The following SLC35F3 variants were observed in gnomAD, a reference collection of about 807,000 sequenced individuals.
The protein encoded by SLC35F3 is putative thiamine transporter SLC35F3.
A neutral mutation model predicts 49.9 loss-of-function variants in SLC35F3; 25 were observed. The ratio of observed to expected loss-of-function variants is 0.50; its 90% CI spans 0.37 to 0.70. The LOEUF is 0.70. Ranked by LOEUF, SLC35F3 falls within the 30% of genes least tolerant of loss-of-function variation. The pLI, the probability that SLC35F3 is intolerant of heterozygous loss-of-function variation, is 0.00. For synonymous variants in SLC35F3, 275 were observed against 265.4 expected (o/e 1.04, Z -0.35); for missense variants, 525 against 639.8 (o/e 0.82, Z 1.94).
At chr1:233,971,303 A>G (rs532547515) in intron 2 of SLC35F3, among the ~76,000 whole-genome samples, 20 of 152,368 alleles carry the variant, frequency 1.3e-4, no homozygotes, top group Admixed American at 1.1e-3. Flanking sequence ...GAAGGAGAAG[A>G]ACCACTTCTG....
intron 2 of SLC35F3, among the ~76,000 whole-genome samples, chr1:233,973,674 G>A (rs1042310633): frequency 6.6e-6 from 1 of 152,206 alleles, no homozygotes; most frequent in Non-Finnish European, 1.5e-5. Flanking sequence ...CTTTGGCCAC[G>A]TGGGTGGGGA....
At chr1:233,993,898 C>T (rs892844383) in intron 2 of SLC35F3, among the ~76,000 whole-genome samples, 8 of 152,174 alleles carry the variant, frequency 5.3e-5, no homozygotes, top group African/African-American at 1.9e-4. Context: ...AGCTGCCCAA[C>T]CTGCCGCATG....
rs562326399 is a variant in SLC35F3 at position 233,947,555 on chromosome 1, C to T, written c.283+41797C>T. 4.0e-5 allele frequency among the ~76,000 whole-genome samples: 6 copies of T among 151,194 alleles called. No individual in the cohort carries two copies. In the East Asian group the frequency reaches 8.0e-4, roughly 20 times the overall value. ...GCATTGAGGTCAGCGTCTTCTCAAG[C>T]GAAGGGCTCAAATGGGTACCACTAC... On this transcript the variant is annotated intron_variant, in intron 2 of 7. Transcript: ENST00000366618.
At chr1:233,936,103 A>C (rs562796523) in intron 2 of SLC35F3, among the ~76,000 whole-genome samples, 1 of 152,196 alleles carries the variant, frequency 6.6e-6, no homozygotes, top group Non-Finnish European at 1.5e-5. Flanking sequence ...AGTAGTGTTA[A>C]CTATGTATTT....
At chr1:234,250,771 A>G (rs1667725939) in intron 3 of SLC35F3, among the ~76,000 whole-genome samples, 1 of 152,124 alleles carries the variant, frequency 6.6e-6, no homozygotes, top group South Asian at 2.1e-4. Context: ...TCATGATGGA[A>G]GGTGAAGCAG....
chr1:234,175,181 A>G (rs1666456915), intron 2 of SLC35F3, among the ~76,000 whole-genome samples: 1 of 152,322 alleles, frequency 6.6e-6, no homozygotes, highest in Admixed American at 6.5e-5. Flanking sequence ...TCTCACTTCA[A>G]TGTACTATTT....
chr1:234,226,313 T>A (rs1287821724), intron 2 of SLC35F3, among the ~76,000 whole-genome samples: 1 of 152,126 alleles, frequency 6.6e-6, no homozygotes. Flanking sequence ...CAGCTGGTGG[T>A]CTTTGATCCC....
At chr1:234,031,540 A>G (rs1218040246) in intron 2 of SLC35F3, among the ~76,000 whole-genome samples, 1 of 152,124 alleles carries the variant, frequency 6.6e-6, no homozygotes, top group East Asian at 1.9e-4. Flanking sequence ...TTCTGAGTGT[A>G]ACTCCTTTTT....
chr1:234,124,984 A>T (rs1424176469), intron 2 of SLC35F3, among the ~76,000 whole-genome samples: 2 of 152,164 alleles, frequency 1.3e-5, no homozygotes, highest in Non-Finnish European at 2.9e-5. Flanking sequence ...TTTGTAAGTG[A>T]TCATCTGGTG....
At chr1:234,278,542 A>G (rs1385681902) in intron 3 of SLC35F3, among the ~76,000 whole-genome samples, 1 of 152,050 alleles carries the variant, frequency 6.6e-6, no homozygotes. Flanking sequence ...CTGAGTTGTC[A>G]TTCGCATTTC....
chr1:234,090,201 G>T (rs1665021292), intron 2 of SLC35F3, among the ~76,000 whole-genome samples: 1 of 152,256 alleles, frequency 6.6e-6, no homozygotes, highest in South Asian at 2.1e-4. Context: ...ATCATCCTTA[G>T]TCAATGCTGA....
At chr1:234,128,559 C>T (rs1665683866) in intron 2 of SLC35F3, among the ~76,000 whole-genome samples, 1 of 152,098 alleles carries the variant, frequency 6.6e-6, no homozygotes, top group African/African-American at 2.4e-5. Flanking sequence ...TGAGCAAAAG[C>T]AGCATCAGAG....
At chr1:233,921,400 C>T (rs1481207783) in intron 2 of SLC35F3, among the ~76,000 whole-genome samples, 2 of 152,114 alleles carry the variant, frequency 1.3e-5, no homozygotes, top group East Asian at 3.9e-4. Context: ...TCATTATCAC[C>T]CAGAGTCCAT....
intron 2 of SLC35F3, among the ~76,000 whole-genome samples, chr1:234,113,089 A>C (rs1045651104): frequency 1.3e-5 from 2 of 152,112 alleles, no homozygotes; most frequent in Non-Finnish European, 2.9e-5. Flanking sequence ...AAGAAAAAGA[A>C]AAGAAAGAAA....
intron 2 of SLC35F3, among the ~76,000 whole-genome samples, chr1:233,923,189 T>C (rs1002960402): frequency 4.6e-5 from 7 of 152,198 alleles, no homozygotes; most frequent in Admixed American, 4.6e-4. Flanking sequence ...GTGAAGAAAG[T>C]CATTGGTAGC....
At chr1:234,293,161 C>T (rs1172161099) in intron 3 of SLC35F3, among the ~76,000 whole-genome samples, 1 of 152,216 alleles carries the variant, frequency 6.6e-6, no homozygotes, top group Non-Finnish European at 1.5e-5. Context: ...AGATAGACTA[C>T]CTCTCTCACA....
chr1:234,099,740 C>G (rs1176673531), intron 2 of SLC35F3, among the ~76,000 whole-genome samples: 2 of 152,082 alleles, frequency 1.3e-5, no homozygotes, highest in African/African-American at 4.8e-5. Flanking sequence ...TTTGTCTTCT[C>G]TCAGTGTGAT....
intron 3 of SLC35F3, among the ~76,000 whole-genome samples, chr1:234,238,351 C>T (rs1291831676): frequency 6.6e-6 from 1 of 152,152 alleles, no homozygotes; most frequent in Non-Finnish European, 1.5e-5. Flanking sequence ...AATGAGAAGT[C>T]ATAATGGGCA....
chr1:234,044,773 T>C (rs1664266086), intron 2 of SLC35F3, among the ~76,000 whole-genome samples: 1 of 152,224 alleles, frequency 6.6e-6, no homozygotes, highest in Admixed American at 6.5e-5. Flanking sequence ...GGGTTATTTA[T>C]CATAAATATG....
Sources: allele counts gnomAD v4.1 joint callset (sites outside exome capture counted in the v4.1 genomes callset), GRCh38; gene constraint gnomAD v4.1.1; transcripts MANE v1.5; gene names NCBI Gene and HGNC (gene_info 2026-07-23, HGNC 2026-07-21).